Variants in EML6 observed in about 807,000 individuals in gnomAD.
The protein encoded by EML6 is EMAP like 6, also known as echinoderm microtubule-associated protein-like 6.
Under a neutral mutation model 240.1 loss-of-function variants are expected in EML6, and 154 were observed. The ratio of observed to expected loss-of-function variants is 0.64; its 90% CI spans 0.56 to 0.73. EML6 has a LOEUF of 0.73. Ranked by LOEUF, EML6 falls within the 30% of genes least tolerant of loss-of-function variation. The pLI is 0.00. For synonymous variants in EML6, 1,148 were observed against 899.0 expected, an observed-to-expected ratio of 1.28 and a Z score of -4.95; for missense variants, 2,964 against 2,474.6, an observed-to-expected ratio of 1.20 and a Z score of -4.20.
rs139855928 is a variant in EML6, at chr2:54,728,350, G to A, written c.197+3092G>A. On this transcript the variant is annotated intron_variant, in intron 2 of 41. Coordinates refer to ENST00000356458, the MANE Select transcript of EML6 (RefSeq NM_001039753.4). ...GTTACTTCCCTTCCATTTTCACAGT[G>A]ATTCCAGTTGAGACATTTATCTCCT... Among the ~76,000 whole-genome samples, 4 of 152,302 alleles carry A rather than the reference G, an allele frequency of 2.6e-5. No homozygotes were observed. The East Asian group carries it at 7.7e-4, about 29-fold the overall frequency.
chr2:54,847,616 C>A lies in EML6; in HGVS notation c.1180C>A (p.Arg394=). The change falls in exon 9 of 42, where the codon CGA becomes AGA. Residue 394 remains arginine, a synonymous_variant. Coordinates refer to ENST00000356458, the MANE Select transcript of EML6 (RefSeq NM_001039753.4). ...GMKDGSFIVL[R]VRDMTEVVHI... ...GAAGGACGGCTCTTTCATTGTTCTC[C>A]GAGTCAGGCACGTACTGATGTTGAA... 1 of 1,552,276 alleles carries A rather than the reference C, an allele frequency of 6.4e-7. No individual in the cohort carries two copies.
intron 2 of EML6, among the ~76,000 whole-genome samples, chr2:54,731,919 C>T (rs1335115562): frequency 1.3e-5 from 2 of 152,162 alleles, no homozygotes; most frequent in South Asian, 2.1e-4. Flanking sequence ...TTTAGCATCC[C>T]ACCAGCAATG....
intron 10 of EML6, 129 bp downstream of exon 10, chr2:54,850,347 AC>A: frequency 5.3e-6 from 4 of 755,046 alleles, no homozygotes; most frequent in Non-Finnish European, 8.4e-6. Flanking sequence ...GCCGGAAAGC[AC>A]CCCCACCTCA....
intron 13 of EML6, 48 bp downstream of exon 13, chr2:54,863,937 T>A (rs754144914): frequency 2.0e-6 from 2 of 1,021,592 alleles, no homozygotes; most frequent in South Asian, 1.5e-5. Flanking sequence ...GAAGGGGATC[T>A]CATTCCTGGA....
rs1454335431 is a variant in EML6, at chr2:54,894,911, A to C, written c.2743-4A>C. ...TATAATACCTCTCATGTGTGCCTTCACAGGGCTTTGTAACAGGTGGAAAGG... is the reference window on the plus strand; with the variant it reads ...TATAATACCTCTCATGTGTGCCTTCCCAGGGCTTTGTAACAGGTGGAAAGG... On this transcript the variant is annotated splice_region_variant and splice_polypyrimidine_tract_variant and intron_variant, in intron 19 of 41. Coordinates refer to ENST00000356458, the MANE Select transcript of EML6 (RefSeq NM_001039753.4). 6.5e-7 allele frequency: 1 copy of C among 1,548,810 alleles called. No individual in the cohort carries two copies. Among genetic ancestry groups the C allele is most frequent in the African/African-American group, 1.4e-5 (1 of 72,994 alleles).
chr2:54,734,528 G>T (rs1327401730), intron 2 of EML6, among the ~76,000 whole-genome samples: 1 of 152,156 alleles, frequency 6.6e-6, no homozygotes, highest in African/African-American at 2.4e-5. Context: ...CTGCTGGTCT[G>T]GTGTCAGGGG....
In EML6 at chr2:54,787,870, G is replaced by A. The variant is rs181520398; in HGVS notation, c.198-25362G>A. Among the ~76,000 whole-genome samples the A allele has an allele frequency of 7.4e-3, 1,131 of 152,196 alleles. 12 individuals carry two copies. Among genetic ancestry groups the A allele is most frequent in the African/African-American group, 0.026 (1,069 of 41,500 alleles). ...TCCTTCTGCATCAATTTTTAGGCCA[G>A]ACCTAAGTTATTTGAAACCCGGTTG... On this transcript the variant is annotated intron_variant, in intron 2 of 41. Transcript: ENST00000356458.
chr2:54,735,791 T>C (rs1216023302), intron 2 of EML6, among the ~76,000 whole-genome samples: 3 of 152,218 alleles, frequency 2.0e-5, no homozygotes, highest in Non-Finnish European at 4.4e-5. Flanking sequence ...TCTGTTGAAG[T>C]GTTTATAAGA....
chr2:54,942,868 T>C (rs562053270), intron 28 of EML6, among the ~76,000 whole-genome samples: 2 of 152,196 alleles, frequency 1.3e-5, no homozygotes, highest in Non-Finnish European at 2.9e-5. Flanking sequence ...CCTTCATTTT[T>C]CCCCAAGTTC....
At chr2:54,746,018 G>A (rs1683896926) in intron 2 of EML6, among the ~76,000 whole-genome samples, 2 of 152,194 alleles carry the variant, frequency 1.3e-5, no homozygotes, top group South Asian at 4.1e-4. Flanking sequence ...AGTGGAGGTG[G>A]GGTCAACTGT....
Position 54,879,539 on chromosome 2 carries a change from T to C in EML6, c.2345-8T>C. The C allele has an allele frequency of 6.5e-7, 1 of 1,544,958 alleles. No homozygotes were observed. The highest frequency in any genetic ancestry group is 8.8e-7 in the Non-Finnish European group (1 of 1,141,028). On this transcript the variant is annotated splice_region_variant and splice_polypyrimidine_tract_variant and intron_variant, in intron 16 of 41. Coordinates refer to ENST00000356458, the MANE Select transcript of EML6 (RefSeq NM_001039753.4). ...AGAAATTTTGACATTTGTGTTGTTT[T>C]CATACAGCCGATGGAAAATGTCTGG...
chr2:54,952,402 C>A (rs1293018081), intron 30 of EML6, among the ~76,000 whole-genome samples, 192 bp from the exon 31 acceptor site: 1 of 152,108 alleles, frequency 6.6e-6, no homozygotes. Flanking sequence ...TCTCCCAGAC[C>A]CAAAACAGAA....
At chr2:54,805,990 T>C (rs1670452458) in intron 2 of EML6, among the ~76,000 whole-genome samples, 1 of 152,216 alleles carries the variant, frequency 6.6e-6, no homozygotes, top group South Asian at 2.1e-4. Flanking sequence ...GATTCAATTC[T>C]ATACCATTGA....
chr2:54,826,623 T>C (rs962700083), intron 5 of EML6, among the ~76,000 whole-genome samples: 5 of 152,126 alleles, frequency 3.3e-5, no homozygotes, highest in African/African-American at 9.7e-5. Flanking sequence ...AAAAAAACTA[T>C]GTCAATACAA....
At chr2:54,847,762 CCT>C in intron 9 of EML6, 139 bp downstream of exon 9, 2 of 936,694 alleles carry the variant, frequency 2.1e-6, no homozygotes, top group Non-Finnish European at 3.1e-6. Flanking sequence ...TCTACGATCC[CCT>C]ATCTGTAATT....
chr2:54,917,007 T>A, intron 26 of EML6, 72 bp downstream of exon 26: 1 of 1,213,660 alleles, frequency 8.2e-7, no homozygotes, highest in Non-Finnish European at 1.1e-6. Flanking sequence ...TCTAAGTGCA[T>A]TTTTAAAAAT....
rs1056119818 is a variant in EML6 at position 54,871,423 on chromosome 2, A to T, written c.2239-77A>T. 6.6e-6 allele frequency: 7 copies of T among 1,056,480 alleles called. No homozygotes were observed. In the Admixed American group the frequency reaches 1.0e-4, roughly 15 times the overall value. 65.4% of individuals were successfully genotyped at this position (1,056,480 alleles called of 1,614,324 possible). A position where few individuals can be genotyped will look rare whatever the true frequency, so the allele number is the denominator to read the frequency against. On this transcript the variant is annotated intron_variant, in intron 15 of 41. Coordinates refer to ENST00000356458, the MANE Select transcript of EML6 (RefSeq NM_001039753.4). ...AATGGGTTTATCTTGGTTTCTGAGCAGTGTTGGACTCTAAGGAACAAAATC... is the reference window on the plus strand; with the variant it reads ...AATGGGTTTATCTTGGTTTCTGAGCTGTGTTGGACTCTAAGGAACAAAATC...
chr2:54,737,978 T>A (rs1683470657), intron 2 of EML6, among the ~76,000 whole-genome samples: 1 of 152,224 alleles, frequency 6.6e-6, no homozygotes, highest in Non-Finnish European at 1.5e-5. Context: ...TCTTTCTGCC[T>A]GGATCCTTGT....
At chr2:54,903,717 CTA>C (rs1207902566) in intron 24 of EML6, among the ~76,000 whole-genome samples, 2 of 152,202 alleles carry the variant, frequency 1.3e-5, no homozygotes, top group Non-Finnish European at 2.9e-5. Context: ...ATTATTGTCA[CTA>C]TTGATTCAAG....
Sources: allele counts gnomAD v4.1 joint callset (sites outside exome capture counted in the v4.1 genomes callset), GRCh38; gene constraint gnomAD v4.1.1; transcripts MANE v1.5; gene names NCBI Gene and HGNC (gene_info 2026-07-23, HGNC 2026-07-21).